The following CLASP1 variants were observed in gnomAD, a reference collection of about 807,000 sequenced individuals.
The protein encoded by CLASP1 is cytoplasmic linker associated protein 1.
CLASP1 carries 38 observed loss-of-function variants against 192.3 expected under a neutral mutation model. The observed-to-expected ratio is 0.20, with a 90% CI of 0.15 to 0.26. The LOEUF (loss-of-function observed/expected upper bound fraction) is 0.26, where lower values mean the gene tolerates loss of function less well. Ranked by LOEUF, CLASP1 falls within the 10% of genes least tolerant of loss-of-function variation. The pLI is 1.00. For synonymous variants in CLASP1, 691 were observed against 712.8 expected (o/e 0.97, Z 0.49); for missense variants, 1,433 against 1,932.5 (o/e 0.74, Z 4.85).
intron 24 of CLASP1, among the ~76,000 whole-genome samples, chr2:121,409,449 G>C (rs946779234): frequency 6.6e-6 from 1 of 152,160 alleles, no homozygotes; most frequent in African/African-American, 2.4e-5. Flanking sequence ...CACTTGGAGA[G>C]ACTCAACAGT....
At chr2:121,498,930 G>C (rs533809061) in intron 8 of CLASP1, among the ~76,000 whole-genome samples, 1 of 152,188 alleles carries the variant, frequency 6.6e-6, no homozygotes, top group East Asian at 1.9e-4. Context: ...AATTGTTGGC[G>C]AGGATGTGGA....
chr2:121,477,300 C>T (rs914274636), intron 8 of CLASP1, among the ~76,000 whole-genome samples: 1 of 152,114 alleles, frequency 6.6e-6, no homozygotes, highest in African/African-American at 2.4e-5. Flanking sequence ...TTTTTAGAAG[C>T]TTTTATTACT....
At chr2:121,569,702 G>A (rs113379054) in intron 2 of CLASP1, among the ~76,000 whole-genome samples, 5,851 of 152,182 alleles carry the variant, frequency 0.038, 157 homozygotes, top group East Asian at 0.14. Flanking sequence ...TTAGCAGGGC[G>A]TGGTGGTGCG....
rs183115630 is a variant in CLASP1 at position 121,511,671 on chromosome 2, T to A, written c.644+3994A>T. Among the ~76,000 whole-genome samples the A allele has an allele frequency of 4.6e-5, 7 of 151,284 alleles. No homozygotes were observed. In the East Asian group the frequency reaches 5.8e-4, roughly 13 times the overall value. On this transcript the variant is annotated intron_variant, in intron 7 of 39. Coordinates refer to ENST00000263710, the Ensembl canonical transcript of CLASP1. The stretch of plus-strand genomic sequence containing the variant: ...GTATAATTCTTATAGTGACAAAAAA[T>A]TTTTAAATAGCAATACCTGCCAATT...
intron 8 of CLASP1, among the ~76,000 whole-genome samples, chr2:121,502,540 G>A (rs1286212140): frequency 6.6e-6 from 1 of 152,218 alleles, no homozygotes; most frequent in Non-Finnish European, 1.5e-5. Flanking sequence ...CAGAGGTCCT[G>A]AAGCAGGAGA....
chr2:121,608,925 T>C (rs764610790), intron 1 of CLASP1, among the ~76,000 whole-genome samples: 2 of 152,336 alleles, frequency 1.3e-5, no homozygotes, highest in Middle Eastern at 3.4e-3. Flanking sequence ...TCAGCTTCTG[T>C]GCTTACGTAA....
chr2:121,553,168 C>A (rs1182979794), intron 2 of CLASP1, among the ~76,000 whole-genome samples: 2 of 152,024 alleles, frequency 1.3e-5, no homozygotes, highest in Non-Finnish European at 2.9e-5. Context: ...AAGAAGGGAA[C>A]AACAGACACT....
At chr2:121,528,739 A>G (rs780792397) in exon 4 of CLASP1, 4 of 1,614,018 alleles carry the variant, frequency 2.5e-6, no homozygotes, top group Non-Finnish European at 3.4e-6. Flanking sequence ...TCCCTCACAG[A>G]GTCTTTAGCA....
intron 32 of CLASP1, among the ~76,000 whole-genome samples, chr2:121,384,106 A>ATG (rs1189256679): frequency 7.3e-6 from 1 of 136,448 alleles, no homozygotes; most frequent in Non-Finnish European, 1.6e-5. Context: ...ACACATATAT[A>ATG]TGTATATATA....
chr2:121,360,274 A>T (rs1350863596), intron 37 of CLASP1, among the ~76,000 whole-genome samples: 1 of 152,230 alleles, frequency 6.6e-6, no homozygotes, highest in Non-Finnish European at 1.5e-5. Context: ...TTGAGAACGA[A>T]GCTCCAAGAG....
At chr2:121,442,508 G>A (rs925632697) in intron 19 of CLASP1, among the ~76,000 whole-genome samples, 34 of 141,446 alleles carry the variant, frequency 2.4e-4, no homozygotes, top group Admixed American at 2.1e-3. Context: ...ACGGAGTCTC[G>A]CTCTGTTGCC....
At chr2:121,389,465 A>T (rs1163960100) in intron 30 of CLASP1, among the ~76,000 whole-genome samples, 1 of 149,774 alleles carries the variant, frequency 6.7e-6, no homozygotes, top group Non-Finnish European at 1.5e-5. Flanking sequence ...ATTTTTAAAA[A>T]ACATTGTATT....
intron 30 of CLASP1, among the ~76,000 whole-genome samples, chr2:121,394,380 T>C (rs906684581): frequency 1.3e-5 from 2 of 152,318 alleles, no homozygotes; most frequent in Non-Finnish European, 2.9e-5. Context: ...TGCCAAACAG[T>C]GAATTCTTGG....
At chr2:121,539,661 T>C (rs2095184435) in intron 2 of CLASP1, among the ~76,000 whole-genome samples, 1 of 152,064 alleles carries the variant, frequency 6.6e-6, no homozygotes, top group Non-Finnish European at 1.5e-5. Context: ...AACTTTGGCA[T>C]ATCAAAACCA....
intron 6 of CLASP1, among the ~76,000 whole-genome samples, chr2:121,521,516 T>C (rs140261661): frequency 6.6e-6 from 1 of 152,280 alleles, no homozygotes; most frequent in Non-Finnish European, 1.5e-5. Flanking sequence ...GGAAACTTCC[T>C]ACGTCATGCA....
chr2:121,642,780 G>A (rs957086730), intron 1 of CLASP1, among the ~76,000 whole-genome samples: 6 of 152,214 alleles, frequency 3.9e-5, no homozygotes, highest in African/African-American at 1.2e-4. Flanking sequence ...TAAGCAAAAT[G>A]ACAAAGCTAT....
At chr2:121,424,315 G>T (rs1422178008) in intron 22 of CLASP1, among the ~76,000 whole-genome samples, 1 of 152,156 alleles carries the variant, frequency 6.6e-6, no homozygotes, top group Non-Finnish European at 1.5e-5. Context: ...CTAACAAAGT[G>T]CCTGGTACAT....
At chr2:121,372,899 T>C (rs562724125) in intron 34 of CLASP1, among the ~76,000 whole-genome samples, 53 of 152,276 alleles carry the variant, frequency 3.5e-4, no homozygotes, top group African/African-American at 1.2e-3. Flanking sequence ...CCACTTCGAA[T>C]AGGAAATCAC....
chr2:121,537,729 C>T (rs772319207), intron 2 of CLASP1, among the ~76,000 whole-genome samples: 1 of 152,198 alleles, frequency 6.6e-6, no homozygotes, highest in Non-Finnish European at 1.5e-5. Context: ...CTTTTCAATA[C>T]TTATCTTAGA....
Sources: gnomAD v4.1 joint callset for allele counts (sites outside exome capture counted in the v4.1 genomes callset) on GRCh38, gnomAD v4.1.1 for gene constraint, MANE v1.5 for transcripts, NCBI Gene and HGNC (gene_info 2026-07-23, HGNC 2026-07-21) for gene names.